The following NPC1 variants were observed in gnomAD, a reference collection of about 807,000 sequenced individuals.
NPC1 encodes the protein NPC intracellular cholesterol transporter 1.
In NPC1, 85 loss-of-function variants were observed where a neutral mutation model predicts 140.4. That is an observed-to-expected ratio of 0.61 (90% CI 0.51 to 0.72). NPC1 has a LOEUF of 0.72. Among genes scored for constraint, NPC1 ranks in the 30% least tolerant of loss-of-function variants. The pLI is 0.00. For missense variants in NPC1, 1,504 were observed against 1,623.8 expected (o/e 0.93, Z 1.27); for synonymous variants, 656 against 624.8 (o/e 1.05, Z -0.74).
At chr18:23,586,141 G>A (rs1253799060) in intron 1 of NPC1, 146 bp downstream of exon 1, 6 of 832,046 alleles carry the variant, frequency 7.2e-6, no homozygotes, top group Non-Finnish European at 1.8e-6. Context: ...GACAGAAACA[G>A]GACAAGTGAG....
At chr18:23,527,873 A>G, downstream of NPC1, 2 of 1,614,110 alleles carry the variant, frequency 1.2e-6, no homozygotes, top group East Asian at 2.2e-5. Context: ...TATAAAAAGT[A>G]CCTGGATGCC....
At chr18:23,534,010 T>C (rs2145339815) in intron 23 of NPC1, 2 of 324,842 alleles carry the variant, frequency 6.2e-6, no homozygotes, top group East Asian at 7.8e-5. Flanking sequence ...AACTTAAATA[T>C]TTAAAAGTGT....
Position 23,539,942 on chromosome 18 carries a change from A to G in NPC1, c.2664T>C (p.Pro888=), listed in dbSNP as rs780680963. 5.6e-6 allele frequency: 9 copies of G among 1,614,136 alleles called. No individual in the cohort carries two copies. The highest frequency in any genetic ancestry group is 6.8e-6 in the Non-Finnish European group (8 of 1,180,054). ...GCCCTTCCTCCAGGACAAAGTACACAGGCGGACCCGCATGCAGGTACTGAC... is the reference window on the plus strand; with the variant it reads ...GCCCTTCCTCCAGGACAAAGTACACGGGCGGACCCGCATGCAGGTACTGAC... ...SISQYLHAGP[P]VYFVLEEGHD... Residue 888 remains proline (P), a synonymous_variant, in exon 18 of 25, where the codon CCT becomes CCC. Transcript: ENST00000269228.
downstream of NPC1, among the ~76,000 whole-genome samples, chr18:23,524,941 CTTTTTT>C (rs5823396): frequency 4.3e-5 from 3 of 69,210 alleles, no homozygotes; most frequent in Non-Finnish European, 7.6e-5. Context: ...TTAGAGAAAT[CTTTTTT>C]TTTTTTTTTT....
At chr18:23,541,264 T>C (rs368665311) in intron 15 of NPC1, 42 bp downstream of exon 15, 10 of 1,614,230 alleles carry the variant, frequency 6.2e-6, no homozygotes, top group Non-Finnish European at 8.5e-6. Context: ...CTCTAGATTC[T>C]AGACTCAAAT....
At chr18:23,508,430 T>C (rs2145137502) in intron 3 of NPC1, among the ~76,000 whole-genome samples, 1 of 152,258 alleles carries the variant, frequency 6.6e-6, no homozygotes, top group East Asian at 1.9e-4. Context: ...TTTCCTGAAG[T>C]TTCCTTTCCT....
At chr18:23,574,678 C>T (rs572756453) in intron 1 of NPC1, among the ~76,000 whole-genome samples, 1 of 152,264 alleles carries the variant, frequency 6.6e-6, no homozygotes, top group East Asian at 1.9e-4. Flanking sequence ...TCTCTGAATT[C>T]ATTTTTCAGA....
At chr18:23,548,170 A>G in intron 10 of NPC1, 62 bp from the exon 11 acceptor site, 1 of 935,662 alleles carries the variant, frequency 1.1e-6, no homozygotes, top group Non-Finnish European at 1.8e-6. Flanking sequence ...TTAGACACAT[A>G]CCAGGGGAAA....
At chr18:23,550,526 G>GGCTGGA (rs1648960378) in intron 10 of NPC1, among the ~76,000 whole-genome samples, 1 of 107,562 alleles carries the variant, frequency 9.3e-6, no homozygotes, top group African/African-American at 4.2e-5. Context: ...CTGTCGCCCA[G>GGCTGGA]GCTGGAGTGC....
chr18:23,539,340 TA>T lies in NPC1; in HGVS notation c.2911+14del. 6.4e-7 allele frequency: 1 copy of T among 1,572,768 alleles called. No individual in the cohort carries two copies. Among genetic ancestry groups the T allele is most frequent in the Non-Finnish European group, 8.8e-7 (1 of 1,142,658 alleles). On this transcript the variant is annotated intron_variant, in intron 19 of 24. Coordinates refer to ENST00000269228, the MANE Select transcript of NPC1 (RefSeq NM_000271.5). ...TTTCAGCAAAACAGGAAAGATTTGG[TA>T]AAGGAGAAGGTACCTGAAGCATTGC... is the stretch of plus-strand genomic sequence containing the variant.
intron 4 of NPC1, among the ~76,000 whole-genome samples, 184 bp from the exon 5 acceptor site, chr18:23,561,711 C>A (rs2059042376): frequency 1.3e-5 from 2 of 152,126 alleles, no homozygotes; most frequent in South Asian, 4.1e-4. Flanking sequence ...TATCACCCTG[C>A]AAATAATATG....
intron 3 of NPC1, among the ~76,000 whole-genome samples, chr18:23,571,816 A>T (rs2059208221): frequency 6.6e-6 from 1 of 152,038 alleles, no homozygotes; most frequent in Non-Finnish European, 1.5e-5. Flanking sequence ...ACTGCACTCT[A>T]GCCTGGGCAG....
intron 4 of NPC1, among the ~76,000 whole-genome samples, chr18:23,567,965 A>ATTT (rs1491115382): frequency 1.3e-5 from 2 of 151,796 alleles, no homozygotes; most frequent in South Asian, 4.1e-4. Flanking sequence ...ATTCATAAAT[A>ATTT]TTTTTCTTAT....
At chr18:23,577,857 T>C (rs975956880) in intron 1 of NPC1, among the ~76,000 whole-genome samples, 2 of 152,250 alleles carry the variant, frequency 1.3e-5, no homozygotes, top group African/African-American at 4.8e-5. Context: ...GTACACCCTC[T>C]GCAGCCACTG....
intron 18 of NPC1, 83 bp from the exon 19 acceptor site, chr18:23,539,553 C>T (rs954812221): frequency 1.0e-6 from 1 of 998,306 alleles, no homozygotes; most frequent in Middle Eastern, 2.1e-4. Context: ...AACCTAACTT[C>T]CTTTTCTACG....
intron 9 of NPC1, among the ~76,000 whole-genome samples, chr18:23,553,186 A>C (rs1360582594): frequency 2.0e-5 from 3 of 152,258 alleles, no homozygotes; most frequent in Non-Finnish European, 2.9e-5. Flanking sequence ...TTGAGGAAAC[A>C]CAAGGCTCAC....
chr18:23,558,565 G>A (rs2058988788), intron 6 of NPC1, among the ~76,000 whole-genome samples: 1 of 152,170 alleles, frequency 6.6e-6, no homozygotes, highest in African/African-American at 2.4e-5. Flanking sequence ...CAGATTAGAG[G>A]GGACTCATAA....
downstream of NPC1, chr18:23,529,639 T>C (rs750343587): frequency 1.9e-6 from 3 of 1,613,928 alleles, no homozygotes; most frequent in East Asian, 4.5e-5. Context: ...CCCTAGGAGA[T>C]GCCTCATAAA....
downstream of NPC1, chr18:23,529,890 T>C (rs2058437740): frequency 1.9e-6 from 2 of 1,055,614 alleles, no homozygotes; most frequent in Non-Finnish European, 2.8e-6. Context: ...TTGGGGTCTT[T>C]ACCTGCATGA....
Sources: gnomAD v4.1 joint callset for allele counts (sites outside exome capture counted in the v4.1 genomes callset) on GRCh38, gnomAD v4.1.1 for gene constraint, MANE v1.5 for transcripts, NCBI Gene and HGNC (gene_info 2026-07-23, HGNC 2026-07-21) for gene names.